HECW2: variants seen among roughly 807,000 people sequenced by gnomAD.
The protein encoded by HECW2 is HECT, C2 and WW domain containing E3 ubiquitin protein ligase 2, also known as E3 ubiquitin-protein ligase HECW2.
A neutral mutation model predicts 175.2 loss-of-function variants in HECW2; 61 were observed. The observed-to-expected ratio is 0.35, with a 90% confidence interval of 0.28 to 0.43. The LOEUF is 0.43. HECW2 is among the 20% of genes least tolerant of loss of function. HECW2 has a pLI of 1.00. For synonymous variants in HECW2, 671 were observed against 731.0 expected (o/e 0.92, Z 1.32); for missense variants, 1,524 against 2,000.5 (o/e 0.76, Z 4.54).
At chr2:196,460,178 A>T (rs923504697) in intron 1 of HECW2, among the ~76,000 whole-genome samples, 1 of 152,192 alleles carries the variant, frequency 6.6e-6, no homozygotes, top group Non-Finnish European at 1.5e-5. Flanking sequence ...GGCTGGAATT[A>T]AAAAATCTAG....
intron 1 of HECW2, among the ~76,000 whole-genome samples, chr2:196,451,864 A>G (rs1696358331): frequency 6.6e-6 from 1 of 152,228 alleles, no homozygotes; most frequent in African/African-American, 2.4e-5. Flanking sequence ...ACACCGCTGC[A>G]CTCCAGCTTG....
At chr2:196,381,779 G>A (rs947759318) in intron 2 of HECW2, among the ~76,000 whole-genome samples, 12 of 152,098 alleles carry the variant, frequency 7.9e-5, no homozygotes, top group African/African-American at 2.7e-4. Context: ...ATTTCCTGCA[G>A]AAATCTACTG....
At chr2:196,388,600 C>A (rs1036671455) in intron 2 of HECW2, among the ~76,000 whole-genome samples, 14 of 152,154 alleles carry the variant, frequency 9.2e-5, no homozygotes, top group African/African-American at 2.4e-4. Flanking sequence ...TATCTGGCTT[C>A]AGAGTATAGG....
intron 1 of HECW2, among the ~76,000 whole-genome samples, chr2:196,480,500 A>G (rs1407466889): frequency 2.0e-5 from 3 of 152,152 alleles, no homozygotes; most frequent in Non-Finnish European, 4.4e-5. Flanking sequence ...AGCATATTCC[A>G]TCCCCCAGCC....
chr2:196,228,044 A>T, intron 22 of HECW2, 58 bp downstream of exon 22: 1 of 1,430,968 alleles, frequency 7.0e-7, no homozygotes, highest in African/African-American at 1.5e-5. Context: ...GGGTTCTATA[A>T]AAAAACTAAT....
At chr2:196,214,999 C>G (rs543537307) in intron 28 of HECW2, among the ~76,000 whole-genome samples, 1 of 152,178 alleles carries the variant, frequency 6.6e-6, no homozygotes, top group Non-Finnish European at 1.5e-5. Context: ...CATTTAATCT[C>G]TCTAGAGTAT....
intron 4 of HECW2, among the ~76,000 whole-genome samples, chr2:196,332,341 A>G (rs1014460451): frequency 6.6e-6 from 1 of 152,228 alleles, no homozygotes; most frequent in African/African-American, 2.4e-5. Flanking sequence ...ATAGAAACAT[A>G]GTCCTGATCC....
At chr2:196,220,665 T>C (rs140156356) in intron 25 of HECW2, 130 bp downstream of exon 25, 1 of 984,720 alleles carries the variant, frequency 1.0e-6, no homozygotes, top group East Asian at 2.4e-5. Flanking sequence ...GAAAAAATAC[T>C]GAACTTTTCG....
At chr2:196,342,995 CTA>C (rs1317711694) in intron 3 of HECW2, among the ~76,000 whole-genome samples, 2 of 150,194 alleles carry the variant, frequency 1.3e-5, no homozygotes, top group African/African-American at 4.9e-5. Context: ...ATAAAATATA[CTA>C]TATATATTTT....
rs150979237 is a variant in HECW2, at chr2:196,319,034, G to T, written c.1856C>A (p.Pro619His). Residue 619 changes from proline to histidine, a missense_variant, in exon 9 of 29, where the codon CCT becomes CAT. Physicochemically the swap from Pro to His is moderately conservative, Grantham distance 77. Around this residue, in one of 11 missense-constraint regions of HECW2, gnomAD observed 604 missense variants for 588.3 expected, o/e 1.03. Transcript: ENST00000644978. ...TTCGCTCACACTCTCTGTCCTGGCA[G>T]GATCACTGGGTTCTGTTTCAGAGGA... Reference protein sequence around the residue: ...QVSSETEPSDPARTESVSEAS... With the variant: ...QVSSETEPSDHARTESVSEAS... 1 of 1,613,808 alleles carries T rather than the reference G, an allele frequency of 6.2e-7. No homozygotes were observed. The highest frequency in any genetic ancestry group is 8.5e-7 in the Non-Finnish European group (1 of 1,179,898).
chr2:196,244,145 CTA>C (rs1266757090), intron 19 of HECW2, among the ~76,000 whole-genome samples: 1 of 152,178 alleles, frequency 6.6e-6, no homozygotes, highest in Non-Finnish European at 1.5e-5. Context: ...ATTGGGAATA[CTA>C]TGTTAGGTTC....
chr2:196,500,896 G>A (rs1687557239), intron 1 of HECW2, among the ~76,000 whole-genome samples: 1 of 152,162 alleles, frequency 6.6e-6, no homozygotes, highest in Non-Finnish European at 1.5e-5. Context: ...CTACAGTCAA[G>A]GCAGGCTTGA....
intron 1 of HECW2, among the ~76,000 whole-genome samples, chr2:196,557,650 T>G (rs1416796321): frequency 6.6e-6 from 1 of 152,148 alleles, no homozygotes; most frequent in African/African-American, 2.4e-5. Flanking sequence ...GAAACAAGTT[T>G]TAGGGCATAA....
chr2:196,255,129 C>T (rs1026260887), intron 18 of HECW2, among the ~76,000 whole-genome samples: 2 of 139,926 alleles, frequency 1.4e-5, no homozygotes, highest in Non-Finnish European at 3.0e-5. Flanking sequence ...CGAGTCACCA[C>T]GTTCAGCTAA....
chr2:196,342,420 A>AAAAGAAAG (rs920791837), intron 3 of HECW2, among the ~76,000 whole-genome samples: 1 of 151,772 alleles, frequency 6.6e-6, no homozygotes, highest in Non-Finnish European at 1.5e-5. Flanking sequence ...AAAAAAAAAA[A>AAAAGAAAG]AAAGAAAGAA....
chr2:196,581,710 A>C (rs1259770641), intron 1 of HECW2, among the ~76,000 whole-genome samples: 1 of 152,176 alleles, frequency 6.6e-6, no homozygotes, highest in African/African-American at 2.4e-5. Flanking sequence ...TTTGTCTTAT[A>C]ATCAGTTCAG....
intron 1 of HECW2, among the ~76,000 whole-genome samples, chr2:196,565,153 C>A (rs1437810452): frequency 6.6e-6 from 1 of 152,080 alleles, no homozygotes; most frequent in Non-Finnish European, 1.5e-5. Flanking sequence ...AGTAACCCAA[C>A]CCCTATCTTA....
At chr2:196,440,103 A>G (rs968196885) in intron 1 of HECW2, among the ~76,000 whole-genome samples, 2 of 152,204 alleles carry the variant, frequency 1.3e-5, no homozygotes, top group Non-Finnish European at 2.9e-5. Flanking sequence ...AGTAAATGCA[A>G]TATATCCAAG....
At chr2:196,316,299 CTT>C (rs568486026) in intron 10 of HECW2, 1 of 152,206 alleles carries the variant, frequency 6.6e-6, no homozygotes, top group South Asian at 2.1e-4. Flanking sequence ...CCATTCAGCT[CTT>C]TTGTCACTAC....
Sources: gnomAD v4.1 joint callset for allele counts (sites outside exome capture counted in the v4.1 genomes callset) on GRCh38, gnomAD v4.1.1 for gene constraint, gnomAD v4.1.1 regional missense constraint, MANE v1.5 for transcripts, NCBI Gene and HGNC (gene_info 2026-07-23, HGNC 2026-07-21) for gene names.